The following TMOD3 variants were observed in gnomAD, a reference collection of about 807,000 sequenced individuals.
The protein encoded by TMOD3 is tropomodulin 3.
TMOD3 carries 20 observed loss-of-function variants against 39.2 expected under a neutral mutation model. That is an observed-to-expected ratio of 0.51 (90% confidence interval 0.36 to 0.74). TMOD3 has a LOEUF of 0.74. TMOD3 is among the 30% of genes least tolerant of loss of function. The pLI is 0.00. For synonymous variants in TMOD3, 143 were observed against 145.8 expected, an observed-to-expected ratio of 0.98 and a Z score of 0.14; for missense variants, 381 against 412.8, an observed-to-expected ratio of 0.92 and a Z score of 0.67.
chr15:51,864,596 C>T (rs1489170217), intron 2 of TMOD3, among the ~76,000 whole-genome samples: 1 of 152,116 alleles, frequency 6.6e-6, no homozygotes. Context: ...CTAGATTGGT[C>T]AGGAGGCAAA....
chr15:51,904,297 T>C (rs971984762), intron 9 of TMOD3, among the ~76,000 whole-genome samples: 1 of 152,258 alleles, frequency 6.6e-6, no homozygotes, highest in Admixed American at 6.5e-5. Flanking sequence ...TTCCAAAGAC[T>C]ATATGCTTTT....
At chr15:51,877,910 G>A (rs936773372) in intron 3 of TMOD3, among the ~76,000 whole-genome samples, 2 of 151,632 alleles carry the variant, frequency 1.3e-5, no homozygotes, top group African/African-American at 4.8e-5. Context: ...TTTTCCCTTG[G>A]CTCAAGGTAG....
chr15:51,893,156 A>G (rs752049875), intron 5 of TMOD3, among the ~76,000 whole-genome samples: 12 of 151,716 alleles, frequency 7.9e-5, no homozygotes, highest in Non-Finnish European at 1.5e-4. Flanking sequence ...TTAGCCAGGC[A>G]TGGTGACACA....
At position 51,862,989 on chromosome 15, in the gene TMOD3, T is replaced by C; in HGVS notation, c.105T>C (p.Val35=). 1 of 1,613,586 alleles carries C rather than the reference T, an allele frequency of 6.2e-7. No homozygotes were observed. Among genetic ancestry groups the C allele is most frequent in the Non-Finnish European group, 8.5e-7 (1 of 1,179,752 alleles). The change falls in exon 2 of 10, where the codon GTT becomes GTC. Residue 35 remains valine (V), a synonymous_variant. Transcript: ENST00000308580. ...CAGAACTGAAACAACTGGAAACTGTTTTGGATGATCTTGACCCCGAGGTAG... is the reference window on the plus strand; with the variant it reads ...CAGAACTGAAACAACTGGAAACTGTCTTGGATGATCTTGACCCCGAGGTAG... ...SETELKQLET[V]LDDLDPENAL...
intron 3 of TMOD3, among the ~76,000 whole-genome samples, chr15:51,878,353 C>T (rs941754291): frequency 1.4e-5 from 2 of 144,550 alleles, no homozygotes; most frequent in Non-Finnish European, 3.0e-5. Flanking sequence ...GCCAACATAA[C>T]AAGAACCATC....
At chr15:51,889,183 A>T in intron 5 of TMOD3, 38 bp downstream of exon 5, 1 of 1,380,792 alleles carries the variant, frequency 7.2e-7, no homozygotes, top group African/African-American at 1.4e-5. Flanking sequence ...CTAATCCTTT[A>T]TTAAATATAT....
At chr15:51,887,146 G>A (rs528028367) in intron 3 of TMOD3, among the ~76,000 whole-genome samples, 33 of 151,256 alleles carry the variant, frequency 2.2e-4, no homozygotes, top group African/African-American at 7.0e-4. Context: ...ACTTGAACCC[G>A]GGAGGTGGAG....
chr15:51,902,294 A>G (rs1260156012), intron 9 of TMOD3, among the ~76,000 whole-genome samples: 2 of 152,242 alleles, frequency 1.3e-5, no homozygotes, highest in Non-Finnish European at 2.9e-5. Context: ...ACAACAAACA[A>G]TTTGTTCTCA....
At chr15:51,885,877 G>A (rs188854317) in intron 3 of TMOD3, among the ~76,000 whole-genome samples, 4,693 of 145,712 alleles carry the variant, frequency 0.032, 110 homozygotes, top group Non-Finnish European at 0.051. Flanking sequence ...GGGCAGAGGC[G>A]CCCCCCACCT....
At chr15:51,861,957 T>A (rs1479267820) in intron 1 of TMOD3, among the ~76,000 whole-genome samples, 1 of 152,202 alleles carries the variant, frequency 6.6e-6, no homozygotes, top group Non-Finnish European at 1.5e-5. Flanking sequence ...ACTAGGTATA[T>A]TTTATGAGAC....
intron 5 of TMOD3, 81 bp from the exon 6 acceptor site, chr15:51,893,734 C>T (rs955141061): frequency 6.6e-5 from 89 of 1,339,856 alleles, no homozygotes; most frequent in Admixed American, 6.6e-4. Context: ...CACTGCACTC[C>T]GGCCTGGGCG....
intron 1 of TMOD3, among the ~76,000 whole-genome samples, chr15:51,850,118 G>A (rs1044109087): frequency 3.3e-5 from 5 of 152,182 alleles, no homozygotes; most frequent in African/African-American, 1.2e-4. Flanking sequence ...TGGCTGTAAA[G>A]TGGAGCCAAG....
chr15:51,905,390 G>A (rs1379255355), intron 9 of TMOD3, among the ~76,000 whole-genome samples: 1 of 151,996 alleles, frequency 6.6e-6, no homozygotes, highest in Non-Finnish European at 1.5e-5. Context: ...GGGAGGGTGA[G>A]GCATGAGAAT....
At chr15:51,857,307 A>T (rs771649067) in intron 1 of TMOD3, among the ~76,000 whole-genome samples, 1 of 152,188 alleles carries the variant, frequency 6.6e-6, no homozygotes, top group Non-Finnish European at 1.5e-5. Context: ...AGTGAATATG[A>T]GGGTATTAGT....
intron 3 of TMOD3, among the ~76,000 whole-genome samples, chr15:51,885,991 G>T (rs895372449): frequency 6.6e-6 from 1 of 151,280 alleles, no homozygotes; most frequent in African/African-American, 2.4e-5. Flanking sequence ...CGGACGGGGC[G>T]GCTGGCCAGG....
chr15:51,865,481 T>G (rs975218126), intron 2 of TMOD3, among the ~76,000 whole-genome samples: 5 of 152,200 alleles, frequency 3.3e-5, no homozygotes, highest in Admixed American at 6.5e-5. Flanking sequence ...ACTCATGCAC[T>G]ATGGTATCAG....
intron 1 of TMOD3, among the ~76,000 whole-genome samples, chr15:51,841,811 A>G (rs1335652867): frequency 6.6e-6 from 1 of 151,970 alleles, no homozygotes; most frequent in Non-Finnish European, 1.5e-5. Flanking sequence ...ATTCTGTCAC[A>G]CAGGCTGGAG....
intron 6 of TMOD3, among the ~76,000 whole-genome samples, chr15:51,895,361 A>G (rs1055127649): frequency 6.6e-6 from 1 of 151,788 alleles, no homozygotes; most frequent in Non-Finnish European, 1.5e-5. Flanking sequence ...CTGGGATTAC[A>G]GGCATCCACC....
intron 1 of TMOD3, among the ~76,000 whole-genome samples, chr15:51,850,947 C>T (rs552155067): frequency 6.6e-6 from 1 of 152,262 alleles, no homozygotes; most frequent in East Asian, 1.9e-4. Context: ...GTTGGTGAAG[C>T]TGGTCTCAAA....
Sources: gnomAD v4.1 joint callset for allele counts (sites outside exome capture counted in the v4.1 genomes callset) on GRCh38, gnomAD v4.1.1 for gene constraint, MANE v1.5 for transcripts, NCBI Gene and HGNC (gene_info 2026-07-23, HGNC 2026-07-21) for gene names.